MSI2: variants seen among roughly 807,000 people sequenced by gnomAD.
The protein encoded by MSI2 is RNA-binding protein Musashi homolog 2.
MSI2 carries 17 observed loss-of-function variants against 45.6 expected under a neutral mutation model. The observed-to-expected ratio is 0.37, with a 90% CI of 0.26 to 0.56. The LOEUF is 0.56. Among genes scored for constraint, MSI2 ranks in the 20% least tolerant of loss-of-function variants. MSI2 has a pLI of 0.77. For synonymous variants in MSI2, 156 were observed against 158.2 expected (o/e 0.99, Z 0.11); for missense variants, 293 against 444.2 (o/e 0.66, Z 3.06).
chr17:57,442,534 A>C (rs559087216), intron 6 of MSI2, among the ~76,000 whole-genome samples: 2 of 152,124 alleles, frequency 1.3e-5, no homozygotes, highest in Non-Finnish European at 2.9e-5. Context: ...GCAGTTAGCC[A>C]TCTCCCCTCC....
intron 9 of MSI2, among the ~76,000 whole-genome samples, chr17:57,620,542 G>A: frequency 6.6e-6 from 1 of 152,200 alleles, no homozygotes; most frequent in Non-Finnish European, 1.5e-5. Context: ...CAAGGCACTA[G>A]GAAGCCCTAC....
At chr17:57,445,358 G>A (rs1388915443) in intron 6 of MSI2, among the ~76,000 whole-genome samples, 7 of 152,182 alleles carry the variant, frequency 4.6e-5, no homozygotes, top group Admixed American at 1.3e-4. Flanking sequence ...TGAGCTGTCC[G>A]ATGCTGGGGT....
chr17:57,424,443 G>T (rs1406668894), intron 6 of MSI2, among the ~76,000 whole-genome samples: 1 of 152,198 alleles, frequency 6.6e-6, no homozygotes, highest in Non-Finnish European at 1.5e-5. Flanking sequence ...CCTGTGTCTG[G>T]CTCAGAGTGG....
At chr17:57,677,377 G>A (rs951093771) in intron 13 of MSI2, among the ~76,000 whole-genome samples, 2 of 152,170 alleles carry the variant, frequency 1.3e-5, no homozygotes, top group African/African-American at 4.8e-5. Context: ...AAGAGTGTGG[G>A]AAACTGGAAG....
At chr17:57,523,522 A>G (rs577292116) in intron 6 of MSI2, 1 of 152,340 alleles carries the variant, frequency 6.6e-6, no homozygotes, top group African/African-American at 2.4e-5. Context: ...CATTCACTAA[A>G]TGAATTAGGA....
At chr17:57,455,191 G>A (rs1446074965) in intron 6 of MSI2, among the ~76,000 whole-genome samples, 1 of 152,074 alleles carries the variant, frequency 6.6e-6, no homozygotes, top group Non-Finnish European at 1.5e-5. Flanking sequence ...ACAGCCAGCT[G>A]TCTATTGCAG....
At chr17:57,372,361 G>C (rs1321402349) in intron 5 of MSI2, among the ~76,000 whole-genome samples, 1 of 152,212 alleles carries the variant, frequency 6.6e-6, no homozygotes, top group African/African-American at 2.4e-5. Context: ...CAGTGTAACT[G>C]TTCCAAGAAA....
intron 12 of MSI2, among the ~76,000 whole-genome samples, chr17:57,676,086 C>G (rs1396153754): frequency 3.3e-5 from 5 of 152,242 alleles, no homozygotes; most frequent in African/African-American, 1.2e-4. Flanking sequence ...CTGTCAGACT[C>G]CGCTTCTGAG....
chr17:57,364,540 G>T (rs562568062), intron 5 of MSI2, among the ~76,000 whole-genome samples: 4 of 152,320 alleles, frequency 2.6e-5, no homozygotes, highest in African/African-American at 9.6e-5. Context: ...CACAGATGGT[G>T]TCTAATTGAT....
chr17:57,475,025 C>T (rs965837020), intron 6 of MSI2, among the ~76,000 whole-genome samples: 1 of 152,172 alleles, frequency 6.6e-6, no homozygotes, highest in African/African-American at 2.4e-5. Flanking sequence ...CGCACCCAGC[C>T]TCTCTGTACT....
chr17:57,651,157 A>G (rs1216074372), intron 10 of MSI2, among the ~76,000 whole-genome samples: 2 of 152,130 alleles, frequency 1.3e-5, no homozygotes, highest in African/African-American at 4.8e-5. Flanking sequence ...GGTAGGGAAC[A>G]TGGCATACTT....
chr17:57,589,557 C>CT (rs11422691), intron 7 of MSI2, among the ~76,000 whole-genome samples: 226 of 152,220 alleles, frequency 1.5e-3, no homozygotes, highest in African/African-American at 5.2e-3. Context: ...GGGGACAGCC[C>CT]GAGGTGTGGG....
intron 5 of MSI2, among the ~76,000 whole-genome samples, chr17:57,374,685 A>G (rs931451633): frequency 2.6e-5 from 4 of 152,178 alleles, no homozygotes; most frequent in Non-Finnish European, 5.9e-5. Context: ...AGGTTGAGGC[A>G]GGAGAATTGC....
intron 7 of MSI2, among the ~76,000 whole-genome samples, chr17:57,566,326 G>T (rs2087731506): frequency 6.6e-6 from 1 of 152,160 alleles, no homozygotes; most frequent in Non-Finnish European, 1.5e-5. Flanking sequence ...TCTGCGAAGT[G>T]CTGAGATATC....
rs181636398 is a variant in MSI2 at position 57,277,534 on chromosome 17, C to T, written c.312+15342C>T. Among the ~76,000 whole-genome samples the T allele has an allele frequency of 3.9e-5, 6 of 152,288 alleles. No individual in the cohort carries two copies. The East Asian group carries it at 1.2e-3, about 29-fold the overall frequency. Reference sequence around the variant, plus strand: ...CCTTGCAGCTCCATGTTTCGATTTCCCCATCTGTAGACGGGAAGAATGAAG... The same window carrying T: ...CCTTGCAGCTCCATGTTTCGATTTCTCCATCTGTAGACGGGAAGAATGAAG... On this transcript the variant is annotated intron_variant, in intron 5 of 13. Transcript: ENST00000284073.
At chr17:57,616,512 G>C (rs75675468) in intron 9 of MSI2, 8,786 of 153,608 alleles carry the variant, frequency 0.057, 809 homozygotes, top group African/African-American at 0.2. Flanking sequence ...TGGGAGAGGA[G>C]GGAAGTGGTA....
chr17:57,686,993 T>G (rs1024914532), downstream of MSI2, among the ~76,000 whole-genome samples: 1 of 145,944 alleles, frequency 6.9e-6, no homozygotes, highest in African/African-American at 2.5e-5. Flanking sequence ...ATCAAATAAA[T>G]TTTGGCCAGC....
chr17:57,305,588 G>A (rs150326963), intron 5 of MSI2, among the ~76,000 whole-genome samples: 124 of 152,290 alleles, frequency 8.1e-4, no homozygotes, highest in East Asian at 2.5e-3. Context: ...AGTTCGGTGC[G>A]TTTGATATCG....
At chr17:57,257,031 G>A (rs762697157) in intron 1 of MSI2, 67 bp from the exon 2 acceptor site, 1 of 1,411,418 alleles carries the variant, frequency 7.1e-7, no homozygotes, top group Non-Finnish European at 9.6e-7. Flanking sequence ...TTTAGCTTTT[G>A]TAAGTTACAC....
Sources: allele counts gnomAD v4.1 joint callset (sites outside exome capture counted in the v4.1 genomes callset), GRCh38; gene constraint gnomAD v4.1.1; transcripts MANE v1.5; gene names NCBI Gene and HGNC (gene_info 2026-07-23, HGNC 2026-07-21).